Variants in TAF4B observed in about 807,000 individuals in gnomAD.
TAF4B encodes transcription initiation factor TFIID subunit 4B.
A neutral mutation model predicts 86.4 loss-of-function variants in TAF4B; 38 were observed. That is an observed-to-expected ratio of 0.44 (90% CI 0.34 to 0.58). TAF4B has a LOEUF of 0.58. Ranked by LOEUF, TAF4B falls within the 20% of genes least tolerant of loss-of-function variation. The probability of loss-of-function intolerance (pLI) is 0.02; values close to 1 mark genes in which losing one functional copy is unlikely to be tolerated. For synonymous variants in TAF4B, 388 were observed against 391.2 expected (o/e 0.99, Z 0.10); for missense variants, 988 against 1,027.6 (o/e 0.96, Z 0.53).
chr18:26,356,830 A>T, intron 13 of TAF4B, among the ~76,000 whole-genome samples: 1 of 148,316 alleles, frequency 6.7e-6, no homozygotes. Context: ...CTAATTTGAC[A>T]CTTAGTTGCC....
chr18:26,271,946 C>G (rs1338530348), intron 3 of TAF4B, among the ~76,000 whole-genome samples: 1 of 145,430 alleles, frequency 6.9e-6, no homozygotes, highest in African/African-American at 2.6e-5. Context: ...AAAAAAAAGA[C>G]ACTTTTAAGG....
chr18:26,235,274 A>C (rs1452145110), intron 1 of TAF4B, among the ~76,000 whole-genome samples: 1 of 152,022 alleles, frequency 6.6e-6, no homozygotes, highest in South Asian at 2.1e-4. Context: ...CTGTAGCCAG[A>C]GATCCATAGT....
chr18:26,257,806 C>A (rs1387812745), intron 1 of TAF4B, among the ~76,000 whole-genome samples: 1 of 150,030 alleles, frequency 6.7e-6, no homozygotes, highest in African/African-American at 2.5e-5. Context: ...GAAGCCCTTT[C>A]TTTCATATAG....
At chr18:26,359,983 G>T (rs2057317997) in intron 14 of TAF4B, among the ~76,000 whole-genome samples, 2 of 151,956 alleles carry the variant, frequency 1.3e-5, no homozygotes, top group Admixed American at 1.3e-4. Flanking sequence ...CTCCCAAAGT[G>T]CTAGGATTGC....
chr18:26,308,648 G>A (rs1414079156), intron 9 of TAF4B, among the ~76,000 whole-genome samples: 4 of 151,942 alleles, frequency 2.6e-5, no homozygotes, highest in East Asian at 3.9e-4. Context: ...CGAGGTGGGC[G>A]GATCATCTGA....
intron 8 of TAF4B, 81 bp downstream of exon 8, chr18:26,292,462 A>C: frequency 7.0e-7 from 1 of 1,434,500 alleles, no homozygotes; most frequent in Non-Finnish European, 9.4e-7. Flanking sequence ...TTGCTGTGTT[A>C]AGAGAAGAGA....
chr18:26,286,249 C>T lies in TAF4B; in HGVS notation c.1340C>T (p.Thr447Met), dbSNP rs368836030. 1.2e-5 allele frequency: 20 copies of T among 1,614,110 alleles called. No homozygotes were observed. Among genetic ancestry groups the T allele is most frequent in the South Asian group, 1.1e-4 (10 of 91,088 alleles). Residue 447 changes from threonine to methionine, a missense_variant, in exon 7 of 15, where the codon ACG becomes ATG. Physicochemically the swap from Thr to Met is moderately conservative, Grantham distance 81. Transcript: ENST00000269142. Reference protein sequence around the residue: ...LVTSVANTVTTVSLQPEKPVV... With the variant: ...LVTSVANTVTMVSLQPEKPVV... ...ACATCTGTGGCAAACACAGTGACCA[C>T]GGTCTCACTGCAACCTGAAAAGCCA... is the stretch of plus-strand genomic sequence containing the variant.
At chr18:26,375,927 A>C (rs900865172) in intron 14 of TAF4B, among the ~76,000 whole-genome samples, 1 of 152,110 alleles carries the variant, frequency 6.6e-6, no homozygotes, top group Admixed American at 6.6e-5. Context: ...GCGTGTGGCT[A>C]TCCAGTTGTC....
chr18:26,244,189 G>A (rs952643136), intron 1 of TAF4B, among the ~76,000 whole-genome samples: 2 of 152,226 alleles, frequency 1.3e-5, no homozygotes, highest in African/African-American at 2.4e-5. Context: ...AGTCTACAGA[G>A]ACAGGAAGGC....
intron 13 of TAF4B, among the ~76,000 whole-genome samples, chr18:26,343,838 A>G (rs754373220): frequency 2.2e-4 from 33 of 152,214 alleles, no homozygotes; most frequent in Non-Finnish European, 1.6e-4. Context: ...TCCCCCATGT[A>G]TACCAAGGGA....
intron 1 of TAF4B, chr18:26,256,489 G>A (rs1457235908): frequency 1.6e-6 from 1 of 610,942 alleles, no homozygotes; most frequent in Non-Finnish European, 2.9e-6. Flanking sequence ...TTTCTCAGTT[G>A]TTTTTCTATT....
intron 13 of TAF4B, among the ~76,000 whole-genome samples, chr18:26,342,707 C>T (rs2057145925): frequency 6.6e-6 from 1 of 152,212 alleles, no homozygotes; most frequent in African/African-American, 2.4e-5. Flanking sequence ...CCTTCTAAGG[C>T]ACTACCTTGA....
chr18:26,309,753 T>C (rs2056835057), intron 9 of TAF4B, among the ~76,000 whole-genome samples: 1 of 152,184 alleles, frequency 6.6e-6, no homozygotes, highest in Non-Finnish European at 1.5e-5. Flanking sequence ...TCATTTTCAC[T>C]CCCATTTTAC....
At chr18:26,268,058 G>A (rs549021872) in intron 3 of TAF4B, among the ~76,000 whole-genome samples, 1 of 152,186 alleles carries the variant, frequency 6.6e-6, no homozygotes, top group Non-Finnish European at 1.5e-5. Flanking sequence ...GGTTAACATG[G>A]TTGGCTGGGC....
intron 11 of TAF4B, among the ~76,000 whole-genome samples, chr18:26,322,774 A>G (rs1394133914): frequency 6.6e-6 from 1 of 151,632 alleles, no homozygotes; most frequent in Non-Finnish European, 1.5e-5. Flanking sequence ...TTTCCTTCTA[A>G]GCTTCAGGCT....
At chr18:26,315,165 A>ACC (rs2056898182) in intron 9 of TAF4B, 64 bp from the exon 10 acceptor site, 1 of 335,870 alleles carries the variant, frequency 3.0e-6, no homozygotes, top group Non-Finnish European at 4.7e-6. Context: ...TCTCTCTCAC[A>ACC]CACACACACA....
intron 13 of TAF4B, among the ~76,000 whole-genome samples, chr18:26,342,638 G>A (rs1211069587): frequency 2.6e-5 from 4 of 152,164 alleles, no homozygotes; most frequent in Admixed American, 2.6e-4. Context: ...ACTTATAAAT[G>A]AAGAGATGAG....
intron 12 of TAF4B, among the ~76,000 whole-genome samples, chr18:26,329,389 C>T (rs1407647499): frequency 2.0e-5 from 3 of 152,142 alleles, no homozygotes; most frequent in Non-Finnish European, 2.9e-5. Flanking sequence ...TGAAAGTAGT[C>T]TTCAGACATG....
At chr18:26,310,754 C>T (rs1000883042) in intron 9 of TAF4B, among the ~76,000 whole-genome samples, 2 of 152,014 alleles carry the variant, frequency 1.3e-5, no homozygotes, top group Non-Finnish European at 2.9e-5. Context: ...TTCTTTATCC[C>T]CCCTATTACC....
Sources: allele counts gnomAD v4.1 joint callset (sites outside exome capture counted in the v4.1 genomes callset), GRCh38; gene constraint gnomAD v4.1.1; transcripts MANE v1.5; gene names NCBI Gene and HGNC (gene_info 2026-07-23, HGNC 2026-07-21).